PDE4B: variants seen among roughly 807,000 people sequenced by gnomAD.
PDE4B encodes phosphodiesterase 4B.
Under a neutral mutation model 82.2 loss-of-function variants are expected in PDE4B, and 20 were observed. The observed-to-expected ratio is 0.24, with a 90% CI of 0.17 to 0.35. PDE4B has a LOEUF of 0.35. Ranked by LOEUF, PDE4B falls within the 10% of genes least tolerant of loss-of-function variation. PDE4B has a pLI of 1.00. For synonymous variants in PDE4B, 320 were observed against 318.9 expected (o/e 1.00, Z -0.04); for missense variants, 655 against 907.2 (o/e 0.72, Z 3.57).
At chr1:66,340,374 A>T (rs2039695) in intron 8 of PDE4B, among the ~76,000 whole-genome samples, 104,107 of 152,116 alleles carry the variant, frequency 0.68, 36,341 homozygotes, top group East Asian at 0.89. Flanking sequence ...GGGAAGTGCC[A>T]GATAATTTTT....
At chr1:66,307,244 A>C (rs188164392) in intron 7 of PDE4B, among the ~76,000 whole-genome samples, 42 of 152,308 alleles carry the variant, frequency 2.8e-4, no homozygotes, top group Admixed American at 1.8e-3. Context: ...CAGGGCCTAA[A>C]GAAAAGCTTT....
intron 3 of PDE4B, among the ~76,000 whole-genome samples, chr1:66,167,046 C>T (rs115133073): frequency 0.014 from 2,131 of 152,174 alleles, 41 homozygotes; most frequent in African/African-American, 0.049. Flanking sequence ...ATAAGACAGC[C>T]GATAACAAAT....
chr1:66,188,373 C>G (rs1043389082), intron 3 of PDE4B, among the ~76,000 whole-genome samples: 45 of 151,372 alleles, frequency 3.0e-4, no homozygotes, highest in Middle Eastern at 3.2e-3. Context: ...GAGCTGAATT[C>G]AATTCCTGGG....
At chr1:65,816,604 C>CTTGTTTAAGGATTTATAAATCCTTGTTT (rs1297518053) in intron 1 of PDE4B, among the ~76,000 whole-genome samples, 4 of 151,984 alleles carry the variant, frequency 2.6e-5, no homozygotes, top group African/African-American at 7.3e-5. Flanking sequence ...GATTTATAAA[C>CTTGTTTAAGGATTTATAAATCCTTGTTT]AAGGATGTTA....
At chr1:66,329,289 G>A (rs1659946011) in intron 7 of PDE4B, among the ~76,000 whole-genome samples, 1 of 152,156 alleles carries the variant, frequency 6.6e-6, no homozygotes, top group Non-Finnish European at 1.5e-5. Context: ...TAGGATGTGG[G>A]ATATGTGGGA....
Position 66,363,588 on chromosome 1 carries a change from T to G in PDE4B, c.1284+17T>G. On this transcript the variant is annotated intron_variant, in intron 12 of 16. Transcript: ENST00000341517. ...GCATTAGACGTGAGTAATTATGACC[T>G]GTTTTGCATTCCTGCCCATCCTCCT... 3.1e-6 allele frequency: 5 copies of G among 1,594,594 alleles called. No individual in the cohort carries two copies. The highest frequency in any genetic ancestry group is 3.4e-6 in the Non-Finnish European group (4 of 1,167,886).
chr1:65,981,310 C>T (rs897395979), intron 3 of PDE4B, among the ~76,000 whole-genome samples: 2 of 152,068 alleles, frequency 1.3e-5, no homozygotes, highest in Admixed American at 1.3e-4. Context: ...ATACTTTCTT[C>T]CAAAACTGGC....
intron 4 of PDE4B, among the ~76,000 whole-genome samples, chr1:66,254,066 A>G (rs1653997897): frequency 6.6e-6 from 1 of 152,288 alleles, no homozygotes; most frequent in South Asian, 2.1e-4. Flanking sequence ...TACTTATATT[A>G]ATTAGCTTTT....
At position 66,028,350 on chromosome 1, in the gene PDE4B, TA is replaced by T. The variant is rs550855485; in HGVS notation, c.281+109516del. 3.8e-3 allele frequency among the ~76,000 whole-genome samples: 575 copies of T among 152,278 alleles called. 2 individuals carry two copies. Among genetic ancestry groups the T allele is most frequent in the Middle Eastern group, 0.014 (4 of 294 alleles). On this transcript the variant is annotated intron_variant, in intron 3 of 16. Coordinates refer to ENST00000341517, the MANE Select transcript of PDE4B (RefSeq NM_002600.4). The stretch of plus-strand genomic sequence containing the variant: ...CCAAGTACCTAGGCTACACACAGCA[TA>T]GGGAACCTGGGCCTAGTCCACAAAA...
chr1:66,194,850 T>G (rs1202082739), intron 3 of PDE4B, among the ~76,000 whole-genome samples: 1 of 152,142 alleles, frequency 6.6e-6, no homozygotes, highest in African/African-American at 2.4e-5. Flanking sequence ...TAACAGAGAT[T>G]AACACTCACT....
intron 3 of PDE4B, among the ~76,000 whole-genome samples, chr1:66,147,503 C>T (rs1646299986): frequency 6.6e-6 from 1 of 152,210 alleles, no homozygotes; most frequent in African/African-American, 2.4e-5. Context: ...TCACAGTTTC[C>T]TCTTAATAAA....
chr1:66,065,651 A>G (rs932845501), intron 3 of PDE4B, among the ~76,000 whole-genome samples: 2 of 151,806 alleles, frequency 1.3e-5, no homozygotes, highest in Non-Finnish European at 2.9e-5. Flanking sequence ...GACTTTGGTG[A>G]TCATTTAGTC....
intron 7 of PDE4B, among the ~76,000 whole-genome samples, chr1:66,324,999 A>T (rs1187646622): frequency 1.3e-5 from 2 of 152,202 alleles, no homozygotes; most frequent in East Asian, 1.9e-4. Context: ...CACAACCAAG[A>T]TTGCCAAATA....
chr1:66,149,823 A>G (rs1646355461), intron 3 of PDE4B, among the ~76,000 whole-genome samples: 1 of 152,228 alleles, frequency 6.6e-6, no homozygotes, highest in Non-Finnish European at 1.5e-5. Flanking sequence ...ACTGCACTCC[A>G]GTCTGGGTGA....
rs148350611 is a variant in PDE4B at position 66,247,455 on chromosome 1, T to C, written c.282-5T>C. ...GTGACCAGAGTTTCCCACTTTCTCT[T>C]TAAGCTTTGATGTGGAAAATGGCCC... On this transcript the variant is annotated splice_polypyrimidine_tract_variant and splice_region_variant and intron_variant, in intron 3 of 16. Transcript: ENST00000341517. 3.6e-4 allele frequency: 560 copies of C among 1,554,724 alleles called. No individual in the cohort carries two copies. The highest frequency in any genetic ancestry group is 4.5e-4 in the Non-Finnish European group (518 of 1,152,180).
chr1:66,237,571 C>T (rs538616386), intron 3 of PDE4B, among the ~76,000 whole-genome samples: 1 of 152,244 alleles, frequency 6.6e-6, no homozygotes, highest in South Asian at 2.1e-4. Flanking sequence ...GATCTGAAAA[C>T]CAGTCTCATT....
At chr1:66,285,781 A>G (rs1234256820) in intron 7 of PDE4B, among the ~76,000 whole-genome samples, 2 of 152,116 alleles carry the variant, frequency 1.3e-5, no homozygotes, top group African/African-American at 2.4e-5. Context: ...GGAACCAAGA[A>G]AAGAGCTGTA....
intron 7 of PDE4B, 43 bp from the exon 8 acceptor site, chr1:66,332,465 C>A: frequency 6.2e-7 from 1 of 1,614,172 alleles, no homozygotes; most frequent in Non-Finnish European, 8.5e-7. Context: ...GGACAGCCTG[C>A]AGCCGCTCCA....
In PDE4B at chr1:66,365,762, C is replaced by T. The variant is rs1400911028; in HGVS notation, c.1380C>T (p.Asn460=). Residue 460 remains asparagine (N), a synonymous_variant, in exon 13 of 17, where the codon AAC becomes AAT. Coordinates refer to ENST00000341517, the MANE Select transcript of PDE4B (RefSeq NM_002600.4). ...HPGVSNQFLI[N]TNSELALMYN... ...GAGTCTCCAATCAGTTTCTCATCAA[C>T]ACAAGTGAGTTCACCACTACAGCAG... is the stretch of plus-strand genomic sequence containing the variant. 6.3e-7 allele frequency: 1 copy of T among 1,575,724 alleles called. No individual in the cohort carries two copies. The highest frequency in any genetic ancestry group is 1.3e-5 in the African/African-American group (1 of 74,228).
Sources: allele counts gnomAD v4.1 joint callset (sites outside exome capture counted in the v4.1 genomes callset), GRCh38; gene constraint gnomAD v4.1.1; transcripts MANE v1.5; gene names NCBI Gene and HGNC (gene_info 2026-07-23, HGNC 2026-07-21).